Variants in MTMR14 observed in about 807,000 individuals in gnomAD.
MTMR14 encodes the protein myotubularin related protein 14.
Under a neutral mutation model 86.3 loss-of-function variants are expected in MTMR14, and 48 were observed. That is an observed-to-expected ratio of 0.56 (90% CI 0.44 to 0.71). The LOEUF is 0.71. Among genes scored for constraint, MTMR14 ranks in the 30% least tolerant of loss-of-function variants. The pLI is 0.00. For missense variants in MTMR14, 780 were observed against 834.6 expected, an observed-to-expected ratio of 0.93 and a Z score of 0.81; for synonymous variants, 366 against 326.1, an observed-to-expected ratio of 1.12 and a Z score of -1.32.
In MTMR14 at chr3:9,701,853, G is replaced by A. The variant is rs368661502; in HGVS notation, c.1833G>A (p.Ala611=). 203 of 1,613,804 alleles carry A rather than the reference G, an allele frequency of 1.3e-4. 1 individual carries two copies. Among genetic ancestry groups the A allele is most frequent in the Middle Eastern group, 4.9e-4 (3 of 6,084 alleles). Residue 611 remains alanine (A), a synonymous_variant, in exon 19 of 19, where the codon GCG becomes GCA. Transcript: ENST00000296003. The surrounding 1 kb of genome is among the most constrained non-coding windows in gnomAD (Gnocchi z 4.2). ...AGGTGCGCTCAGCCTTCTTGGCTGC[G>A]TACAGCAGCACAGTGGGGCTTCGGG... ...LQEVRSAFLA[A]YSSTVGLRAV...
At chr3:9,697,687 C>T (rs2125404134) in intron 17 of MTMR14, 24 bp from the exon 18 acceptor site, 1 of 1,611,030 alleles carries the variant, frequency 6.2e-7, no homozygotes, top group Non-Finnish European at 8.5e-7. Context: ...GCATCCTCTC[C>T]CCTCTCTCTC....
rs138308480 is a variant in MTMR14 at position 9,669,829 on chromosome 3, A to G, written c.554+337A>G. Among the ~76,000 whole-genome samples, 802 of 152,326 alleles carry G rather than the reference A, an allele frequency of 5.3e-3. 10 individuals carry two copies. The highest frequency in any genetic ancestry group is 0.018 in the African/African-American group (768 of 41,582). On this transcript the variant is annotated intron_variant, in intron 5 of 18. Transcript: ENST00000296003. ...CCCACAGAGTTGCCAGTTTGCAGCT[A>G]TGATGCTGATTACCAACCTGCCAGA...
At chr3:9,674,167 C>T (rs528041547) in intron 7 of MTMR14, among the ~76,000 whole-genome samples, 3 of 152,252 alleles carry the variant, frequency 2.0e-5, no homozygotes, top group East Asian at 1.9e-4. Context: ...GGCATCACTT[C>T]GTTTAAATTT....
chr3:9,658,761 G>GTAGCAGC (rs1371491679), intron 2 of MTMR14, among the ~76,000 whole-genome samples: 4 of 152,220 alleles, frequency 2.6e-5, no homozygotes, highest in Admixed American at 6.5e-5. Flanking sequence ...CTATTAAATA[G>GTAGCAGC]TAGCAGCAGT....
chr3:9,682,939 C>CA (rs1315042849), intron 9 of MTMR14, among the ~76,000 whole-genome samples: 2 of 151,562 alleles, frequency 1.3e-5, no homozygotes, highest in African/African-American at 4.9e-5. Context: ...CAGAGCCCCC[C>CA]CCCCGCCCCC....
At position 9,701,033 on chromosome 3, in the gene MTMR14, A is replaced by G. The variant is rs2076439434; in HGVS notation, c.1770-757A>G. ...AGGGTTTTGCCATGTTGGCCAAGCT[A>G]GTCTCGAACTCCTGACCTGCCTCGG... On this transcript the variant is annotated intron_variant, in intron 18 of 18. Transcript: ENST00000296003. This position sits in a 1 kb window ranked among gnomAD's most constrained non-coding sequence, Gnocchi z 4.2. The G allele has an allele frequency of 6.6e-6, 1 of 152,274 alleles. No individual in the cohort carries two copies. The highest frequency in any genetic ancestry group is 6.5e-5 in the Admixed American group (1 of 15,276). 9.4% of individuals were successfully genotyped at this position (152,274 alleles called of 1,614,324 possible).
In MTMR14 at chr3:9,662,376, G is replaced by T; in HGVS notation, c.417+1G>T. The T allele has an allele frequency of 6.2e-7, 1 of 1,611,346 alleles. No homozygotes were observed. Among genetic ancestry groups the T allele is most frequent in the Non-Finnish European group, 8.5e-7 (1 of 1,177,932 alleles). On this transcript the variant is annotated splice_donor_variant, in intron 3 of 18. Coordinates refer to ENST00000296003, the MANE Select transcript of MTMR14 (RefSeq NM_001077525.3). LOFTEE classifies it high-confidence loss of function. ...CCCAGTAATCCTGTTCAAGGGCAAG[G>T]TAAGGCCCATACCATAGCTTCATGC...
Position 9,672,759 on chromosome 3 carries a change from G to A in MTMR14, c.751+1G>A, listed in dbSNP as rs2048640556. 6.2e-7 allele frequency: 1 copy of A among 1,613,986 alleles called. No homozygotes were observed. The highest frequency in any genetic ancestry group is 1.3e-5 in the African/African-American group (1 of 74,906). On this transcript the variant is annotated splice_donor_variant, in intron 7 of 18. Transcript: ENST00000296003. LOFTEE classifies it high-confidence loss of function. ...ACTCTCCTCTCCATCCCGTATCCAG[G>A]TAGGGGGCTCTCTTCTAGTGGCAGG...
At chr3:9,670,970 TC>T (rs1391279805) in intron 5 of MTMR14, 77 bp from the exon 6 acceptor site, 6 of 1,584,994 alleles carry the variant, frequency 3.8e-6, no homozygotes, top group Admixed American at 1.7e-5. Context: ...CATCCATACT[TC>T]CCTGAATGAG....
chr3:9,658,820 C>A (rs1405410395), intron 2 of MTMR14, among the ~76,000 whole-genome samples: 1 of 152,148 alleles, frequency 6.6e-6, no homozygotes, highest in Non-Finnish European at 1.5e-5. Context: ...ACAAGCCACC[C>A]AGTTTGGTAA....
In MTMR14 at chr3:9,649,591, G is replaced by T; in HGVS notation, c.8G>T (p.Gly3Val). MA[G>V]ARAAAAAASA... ...GGGACGCGGGGCTGGGCCATGGCCG[G>T]CGCTCGGGCCGCCGCCGCCGCTGCC... Residue 3 changes from glycine (G) to valine (V), a missense_variant, in exon 1 of 19, where the codon GGC becomes GTC. By Grantham distance (109) the Gly-to-Val change is moderately radical. Transcript: ENST00000296003. The T allele has an allele frequency of 6.5e-7, 1 of 1,545,224 alleles. No individual in the cohort carries two copies. The highest frequency in any genetic ancestry group is 8.7e-7 in the Non-Finnish European group (1 of 1,145,278).
At chr3:9,679,465 T>C (rs1171958616) in intron 9 of MTMR14, among the ~76,000 whole-genome samples, 2 of 152,234 alleles carry the variant, frequency 1.3e-5, no homozygotes, top group African/African-American at 4.8e-5. Flanking sequence ...TTTCTCCTTA[T>C]GCAGGTACAA....
intron 2 of MTMR14, among the ~76,000 whole-genome samples, chr3:9,656,301 C>T (rs2047604508): frequency 6.6e-6 from 1 of 152,122 alleles, no homozygotes; most frequent in Non-Finnish European, 1.5e-5. Context: ...AGTATTACAT[C>T]CTCAGTTATA....
chr3:9,674,513 C>T (rs987054803), intron 7 of MTMR14, among the ~76,000 whole-genome samples: 8 of 152,224 alleles, frequency 5.3e-5, no homozygotes, highest in African/African-American at 1.7e-4. Flanking sequence ...ATGGGCTGGG[C>T]ATGGTGGCTC....
intron 9 of MTMR14, among the ~76,000 whole-genome samples, chr3:9,682,150 G>A (rs1216495379): frequency 6.6e-6 from 1 of 152,244 alleles, no homozygotes; most frequent in Non-Finnish European, 1.5e-5. Context: ...TGAGCCAGAT[G>A]AGTTGAGAGA....
intron 5 of MTMR14, 123 bp downstream of exon 5, chr3:9,669,615 C>A: frequency 2.0e-6 from 2 of 994,056 alleles, no homozygotes; most frequent in East Asian, 2.9e-5. Flanking sequence ...TTGGCTTCTT[C>A]CTCTTCTGTC....
intron 1 of MTMR14, among the ~76,000 whole-genome samples, chr3:9,651,478 T>G (rs2047287647): frequency 6.6e-6 from 1 of 152,144 alleles, no homozygotes; most frequent in Admixed American, 6.6e-5. Flanking sequence ...CCCTGAAGAT[T>G]AGGGTTAGCA....
intron 6 of MTMR14, 35 bp downstream of exon 6, chr3:9,671,205 G>C: frequency 1.2e-6 from 2 of 1,613,864 alleles, no homozygotes; most frequent in Non-Finnish European, 1.7e-6. Flanking sequence ...ATGAGCAGAG[G>C]CAGTGTGTAC....
At chr3:9,683,143 G>T in intron 9 of MTMR14, 35 bp from the exon 10 acceptor site, 1 of 1,591,236 alleles carries the variant, frequency 6.3e-7, no homozygotes, top group Non-Finnish European at 8.6e-7. Context: ...CTAAATCTGA[G>T]TTAATGTCCA....
Sources: gnomAD v4.1 joint callset for allele counts (sites outside exome capture counted in the v4.1 genomes callset) on GRCh38, gnomAD v4.1.1 for gene constraint, Gnocchi (gnomAD v3.1) non-coding constraint, MANE v1.5 for transcripts, NCBI Gene and HGNC (gene_info 2026-07-23, HGNC 2026-07-21) for gene names.